RIPK2: variants seen among roughly 807,000 people sequenced by gnomAD.
RIPK2 encodes the protein receptor-interacting serine/threonine-protein kinase 2.
A neutral mutation model predicts 60.9 loss-of-function variants in RIPK2; 38 were observed. The ratio of observed to expected loss-of-function variants is 0.62; its 90% CI spans 0.48 to 0.82. The LOEUF is 0.82. Among genes scored for constraint, RIPK2 ranks in the 40% least tolerant of loss-of-function variants. The pLI, the probability that RIPK2 is intolerant of heterozygous loss-of-function variation, is 0.00. For missense variants in RIPK2, 518 were observed against 647.0 expected (o/e 0.80, Z 2.16); for synonymous variants, 225 against 223.4 (o/e 1.01, Z -0.06).
chr8:89,780,278 G>T, intron 7 of RIPK2, 118 bp downstream of exon 7: 1 of 492,674 alleles, frequency 2.0e-6, no homozygotes, highest in Non-Finnish European at 3.5e-6. Flanking sequence ...ATAAGCTACA[G>T]TTTTGGAGTG....
intron 6 of RIPK2, among the ~76,000 whole-genome samples, chr8:89,776,304 G>A (rs910681448): frequency 2.0e-5 from 3 of 152,166 alleles, no homozygotes; most frequent in East Asian, 3.8e-4. Context: ...AAGGACTTAA[G>A]TGTCTCCTCC....
chr8:89,763,418 C>A (rs930956723), intron 2 of RIPK2, among the ~76,000 whole-genome samples: 2 of 152,202 alleles, frequency 1.3e-5, no homozygotes, highest in Admixed American at 1.3e-4. Context: ...TCTCTGAATA[C>A]CAGATACATT....
intron 3 of RIPK2, among the ~76,000 whole-genome samples, chr8:89,766,381 G>A (rs1490908266): frequency 6.6e-6 from 1 of 151,730 alleles, no homozygotes; most frequent in Non-Finnish European, 1.5e-5. Flanking sequence ...TGGTAAGGGT[G>A]TGTTTAGTTT....
intron 8 of RIPK2, among the ~76,000 whole-genome samples, chr8:89,785,679 T>C (rs1809574771): frequency 6.6e-6 from 1 of 152,206 alleles, no homozygotes; most frequent in African/African-American, 2.4e-5. Context: ...AAACCTGTAG[T>C]ATCTTTAAAA....
At chr8:89,788,355 A>G (rs1431787720) in intron 9 of RIPK2, among the ~76,000 whole-genome samples, 1 of 152,130 alleles carries the variant, frequency 6.6e-6, no homozygotes, top group Middle Eastern at 3.2e-3. Context: ...TTAAAAAAAA[A>G]AAAAGTTAAA....
intron 3 of RIPK2, among the ~76,000 whole-genome samples, chr8:89,767,321 T>C (rs536302813): frequency 6.6e-6 from 1 of 151,858 alleles, no homozygotes; most frequent in East Asian, 1.9e-4. Flanking sequence ...GCTATACTTC[T>C]TTTAATAACA....
chr8:89,786,618 A>G lies in RIPK2; in HGVS notation c.1055A>G (p.His352Arg). 9 of 1,599,126 alleles carry G rather than the reference A, an allele frequency of 5.6e-6. No individual in the cohort carries two copies. The highest frequency in any genetic ancestry group is 7.7e-6 in the Non-Finnish European group (9 of 1,168,622). The change falls in exon 9 of 11, where the codon CAT becomes CGT. Residue 352 changes from histidine to arginine, a missense_variant. By Grantham distance (29) the His-to-Arg change is conservative. Transcript: ENST00000220751. ...QEESCGSSQL[H>R]ENSGSPETSR... is the part of the protein sequence containing the mutation. ...GAATCATGTGGATCCTCTCAGCTCC[A>G]TGAAAATAGTGGTTCTCCTGAAACT...
At chr8:89,769,283 T>A (rs1007194494) in intron 3 of RIPK2, among the ~76,000 whole-genome samples, 1 of 151,882 alleles carries the variant, frequency 6.6e-6, no homozygotes, top group African/African-American at 2.4e-5. Context: ...ATTTTGAGAT[T>A]TAGTGTATTT....
At chr8:89,775,480 GAGAA>G (rs2130566304) in intron 6 of RIPK2, among the ~76,000 whole-genome samples, 1 of 151,892 alleles carries the variant, frequency 6.6e-6, no homozygotes, top group East Asian at 1.9e-4. Flanking sequence ...AAAAATCCTG[GAGAA>G]AGATAGATTA....
chr8:89,759,286 A>G (rs558850875), intron 1 of RIPK2: 10 of 456,280 alleles, frequency 2.2e-5, no homozygotes, highest in Middle Eastern at 3.3e-4. Flanking sequence ...GTATTAGTCA[A>G]TGGGTCACTA....
At chr8:89,767,956 T>G (rs545955135) in intron 3 of RIPK2, among the ~76,000 whole-genome samples, 1 of 151,886 alleles carries the variant, frequency 6.6e-6, no homozygotes, top group South Asian at 2.1e-4. Flanking sequence ...GATGCATCAT[T>G]TTGTTTAAAT....
intron 1 of RIPK2, among the ~76,000 whole-genome samples, chr8:89,761,377 T>A (rs920019469): frequency 3.1e-4 from 40 of 127,254 alleles, no homozygotes; most frequent in African/African-American, 8.8e-4. Context: ...TTCCTTTTCA[T>A]TTTTTTTTTA....
Position 89,758,205 on chromosome 8 carries a change from C to T in RIPK2, c.145C>T (p.Leu49=). 1 of 1,609,906 alleles carries T rather than the reference C, an allele frequency of 6.2e-7. No individual in the cohort carries two copies. Among genetic ancestry groups the T allele is most frequent in the Non-Finnish European group, 8.5e-7 (1 of 1,178,940 alleles). Residue 49 remains leucine, a synonymous_variant, in exon 1 of 11, where the codon CTG becomes TTG. Coordinates refer to ENST00000220751, the MANE Select transcript of RIPK2 (RefSeq NM_003821.6). ...DWRVQVAVKH[L]HIHTPLLDSE... ...GCGCGTCCAGGTGGCCGTGAAGCAC[C>T]TGCACATCCACACTCCGCTGCTCGA...
chr8:89,767,112 A>G (rs1156233474), intron 3 of RIPK2, among the ~76,000 whole-genome samples: 1 of 151,682 alleles, frequency 6.6e-6, no homozygotes, highest in Non-Finnish European at 1.5e-5. Flanking sequence ...TATCTTCTGT[A>G]AGTTTTATAG....
In RIPK2 at chr8:89,786,659, GCTC is replaced by G; in HGVS notation, c.1100_1102del (p.Pro367del). On this transcript the variant is annotated inframe_deletion, in exon 9 of 11. Transcript: ENST00000220751. ...TCCTGAAACTTCAAGGTCCCTGCCA[GCTC>G]CTCAAGACAATGATTTTTTATCTAG... 6.3e-7 allele frequency: 1 copy of G among 1,590,566 alleles called. No individual in the cohort carries two copies.
chr8:89,768,470 T>A (rs1046504286), intron 3 of RIPK2, among the ~76,000 whole-genome samples: 1 of 151,730 alleles, frequency 6.6e-6, no homozygotes, highest in Non-Finnish European at 1.5e-5. Flanking sequence ...AGAACCTTCA[T>A]CTGGGTCAAT....
chr8:89,761,472 T>C (rs1809143951), intron 1 of RIPK2, among the ~76,000 whole-genome samples: 2 of 152,194 alleles, frequency 1.3e-5, no homozygotes, highest in African/African-American at 4.8e-5. Context: ...TTTGTAGTTT[T>C]AGGTTCATGT....
intron 6 of RIPK2, among the ~76,000 whole-genome samples, chr8:89,779,537 G>A (rs1341260428): frequency 6.6e-6 from 1 of 151,930 alleles, no homozygotes; most frequent in Non-Finnish European, 1.5e-5. Flanking sequence ...AGCCAGGATG[G>A]TCTCAATCTC....
At chr8:89,771,481 A>G (rs1432151182) in intron 4 of RIPK2, among the ~76,000 whole-genome samples, 2 of 151,962 alleles carry the variant, frequency 1.3e-5, no homozygotes, top group South Asian at 2.1e-4. Context: ...GGTGTCCAAG[A>G]ATTAAATCAT....
Sources: gnomAD v4.1 joint callset for allele counts (sites outside exome capture counted in the v4.1 genomes callset) on GRCh38, gnomAD v4.1.1 for gene constraint, MANE v1.5 for transcripts, NCBI Gene and HGNC (gene_info 2026-07-23, HGNC 2026-07-21) for gene names.